Variants in DHX29 observed in about 807,000 individuals in gnomAD.
DHX29 encodes DExH-box helicase 29, also known as ATP-dependent RNA helicase DHX29.
Under a neutral mutation model 167.9 loss-of-function variants are expected in DHX29, and 79 were observed. The ratio of observed to expected loss-of-function variants is 0.47; its 90% CI spans 0.39 to 0.57. The LOEUF is 0.57. Ranked by LOEUF, DHX29 falls within the 20% of genes least tolerant of loss-of-function variation. The pLI is 0.00. For missense variants in DHX29, 1,347 were observed against 1,593.4 expected (o/e 0.85, Z 2.63); for synonymous variants, 530 against 546.0 (o/e 0.97, Z 0.41).
rs1746883768 is a variant in DHX29 at position 55,272,129 on chromosome 5, T to C, written c.2822A>G (p.Asp941Gly). 6.3e-7 allele frequency: 1 copy of C among 1,582,868 alleles called. No homozygotes were observed. Among genetic ancestry groups the C allele is most frequent in the African/African-American group, 1.4e-5 (1 of 73,060 alleles). ...NIAETGITIP[D>G]VVFVIDTGRT... ...TCCAGTATCAATTACAAATACAACA[T>C]CAGGAATAGTGATACCCGTCTCTGC... The change falls in exon 18 of 27, where the codon GAT becomes GGT. Residue 941 changes from aspartate (D) to glycine (G), a missense_variant. Physicochemically the swap from Asp to Gly is moderately conservative, Grantham distance 94 (BLOSUM62 -1). Coordinates refer to ENST00000251636, the MANE Select transcript of DHX29 (RefSeq NM_019030.4).
intron 23 of DHX29, among the ~76,000 whole-genome samples, chr5:55,266,310 G>GTTTT (rs70992715): frequency 1.6e-5 from 2 of 123,070 alleles, no homozygotes; most frequent in African/African-American, 5.9e-5. Context: ...TGTTGTTTTT[G>GTTTT]TTTTTTTTTT....
intron 24 of DHX29, 147 bp from the exon 25 acceptor site, chr5:55,261,646 T>C: frequency 1.6e-6 from 1 of 622,766 alleles, no homozygotes; most frequent in Non-Finnish European, 2.8e-6. Context: ...CATTTTCTTA[T>C]GTGCATAATT....
chr5:55,270,486 A>G lies in DHX29; in HGVS notation c.2995T>C (p.Phe999Leu). The G allele has an allele frequency of 6.2e-7, 1 of 1,613,496 alleles. No homozygotes were observed. The highest frequency in any genetic ancestry group is 1.1e-5 in the South Asian group (1 of 90,888). The change falls in exon 20 of 27, where the codon TTT becomes CTT. Residue 999 changes from phenylalanine to leucine, a missense_variant and splice_region_variant. This residue lies in a region of DHX29 where 882 missense variants were observed against 1,082.4 expected (regional missense o/e 0.81). Coordinates refer to ENST00000251636, the MANE Select transcript of DHX29 (RefSeq NM_019030.4). ...FCFRMYTRER[F>L]EGFMDYSVPE... is the part of the protein sequence containing the mutation. ...ACAGAATAATCCATAAAGCCTTCAA[A>G]TCTGAAAAATAAAGTAATACTAAAT...
At position 55,276,981 on chromosome 5, in the gene DHX29, C is replaced by A. The variant is rs920645315; in HGVS notation, c.2286+125G>T. On this transcript the variant is annotated intron_variant, in intron 13 of 26. Transcript: ENST00000251636. ...ATCTGATTCTTAAGGCTGTGTCCAG[C>A]TCCTCTGCTGACTCACTGTACCTAG... 1.5e-5 allele frequency: 9 copies of A among 618,704 alleles called. No homozygotes were observed. The African/African-American group carries it at 1.7e-4, about 12-fold the overall frequency. 38.3% of individuals were successfully genotyped at this position (618,704 alleles called of 1,614,324 possible). A position where few individuals can be genotyped will look rare whatever the true frequency, so the allele number is the denominator to read the frequency against.
At position 55,277,409 on chromosome 5, in the gene DHX29, G is replaced by A. The variant is rs139201946; in HGVS notation, c.2110-127C>T. 1.1e-3 allele frequency: 623 copies of A among 542,664 alleles called. 3 individuals carry two copies. Among genetic ancestry groups the A allele is most frequent in the African/African-American group, 0.01 (523 of 52,256 alleles). 33.6% of individuals were successfully genotyped at this position (542,664 alleles called of 1,614,324 possible). On this transcript the variant is annotated intron_variant, in intron 12 of 26. Transcript: ENST00000251636. The stretch of plus-strand genomic sequence containing the variant: ...ATCTAAGTACAGTCAGTACATGTGC[G>A]GGGAGGGAGAAGCTGTAAGTTTTAA...
Position 55,283,280 on chromosome 5 carries a change from G to A in DHX29, c.1888C>T (p.Pro630Ser), listed in dbSNP as rs1747531006. Residue 630 changes from proline (P) to serine (S), a missense_variant, in exon 11 of 27, where the codon CCC becomes TCC. Pro to Ser is a moderately conservative substitution (Grantham distance 74). Around this residue, in one of 3 missense-constraint regions of DHX29, gnomAD observed 882 missense variants for 1,082.4 expected, o/e 0.81. Transcript: ENST00000251636. Reference sequence around the variant, plus strand: ...AAACTAACTGCTGAGATTCTTCGGGGTTGGGTACAGACAATGTTACATTTA... The same window carrying A: ...AAACTAACTGCTGAGATTCTTCGGGATTGGGTACAGACAATGTTACATTTA... ...ASKCNIVCTQ[P>S]RRISAVSLAN... 1 of 1,613,930 alleles carries A rather than the reference G, an allele frequency of 6.2e-7. No homozygotes were observed. The highest frequency in any genetic ancestry group is 8.5e-7 in the Non-Finnish European group (1 of 1,179,868).
chr5:55,266,938 T>C (rs150357295), intron 23 of DHX29, among the ~76,000 whole-genome samples, 200 bp downstream of exon 23: 92 of 152,332 alleles, frequency 6.0e-4, no homozygotes, highest in African/African-American at 2.0e-3. Context: ...ATTATGATTA[T>C]TAAATACTAT....
chr5:55,258,074 A>G (rs921034794), intron 26 of DHX29, among the ~76,000 whole-genome samples: 10 of 152,168 alleles, frequency 6.6e-5, no homozygotes, highest in African/African-American at 2.4e-4. Context: ...AGCTCCCCCA[A>G]CTTGCCTGTG....
At chr5:55,295,170 C>T (rs977598675) in intron 5 of DHX29, 1 of 502,722 alleles carries the variant, frequency 2.0e-6, no homozygotes, top group African/African-American at 1.9e-5. Flanking sequence ...ACTGCAGAAT[C>T]ATGAGAAATA....
At chr5:55,296,385 C>T in intron 3 of DHX29, 36 bp from the exon 4 acceptor site, 1 of 1,589,228 alleles carries the variant, frequency 6.3e-7, no homozygotes, top group Non-Finnish European at 8.6e-7. Context: ...TCACATTTGT[C>T]AAAGTTCCCT....
chr5:55,262,374 C>A (rs1287061229), intron 24 of DHX29, among the ~76,000 whole-genome samples: 1 of 152,174 alleles, frequency 6.6e-6, no homozygotes, highest in Non-Finnish European at 1.5e-5. Context: ...TATTAACCAA[C>A]ATCAATTTGC....
At chr5:55,282,752 T>A (rs924109089) in intron 11 of DHX29, among the ~76,000 whole-genome samples, 3 of 152,246 alleles carry the variant, frequency 2.0e-5, no homozygotes, top group East Asian at 1.9e-4. Context: ...ATTTTTTTTT[T>A]AAATATGGGG....
chr5:55,270,518 T>C, intron 19 of DHX29, 31 bp from the exon 20 acceptor site: 2 of 1,613,260 alleles, frequency 1.2e-6, no homozygotes. Flanking sequence ...AAATACATAT[T>C]ATCAGAAATG....
intron 17 of DHX29, 28 bp downstream of exon 17, chr5:55,273,265 C>T (rs1746941325): frequency 6.4e-7 from 1 of 1,557,688 alleles, no homozygotes; most frequent in Non-Finnish European, 8.7e-7. Context: ...AGGTGGATCA[C>T]ATATAAATTT....
In DHX29 at chr5:55,261,403, G is replaced by T; in HGVS notation, c.3925C>A (p.Arg1309Ser). Reference sequence around the variant, plus strand: ...ATCCAGCCATCAATAGAAAGAAGACGTTCTCGGTGCTGAACTTCTATATCA... The same window carrying T: ...ATCCAGCCATCAATAGAAAGAAGACTTTCTCGGTGCTGAACTTCTATATCA... ...GGDIEVQHRE[R>S]LLSIDGWIYF... Residue 1309 changes from arginine to serine, a missense_variant, in exon 25 of 27, where the codon CGT (arginine) becomes AGT (serine). Arg to Ser is a moderately radical substitution (Grantham distance 110, BLOSUM62 -1). Around this residue, in one of 3 missense-constraint regions of DHX29, gnomAD observed 882 missense variants for 1,082.4 expected, o/e 0.81. Transcript: ENST00000251636. The T allele has an allele frequency of 6.3e-7, 1 of 1,579,272 alleles. No homozygotes were observed. The highest frequency in any genetic ancestry group is 1.1e-5 in the South Asian group (1 of 89,776).
At chr5:55,273,527 A>G in intron 16 of DHX29, 150 bp from the exon 17 acceptor site, 1 of 958,180 alleles carries the variant, frequency 1.0e-6, no homozygotes. Flanking sequence ...GAATTGTACA[A>G]TGAAACCTCA....
chr5:55,290,181 A>G (rs1399488177), intron 7 of DHX29, 37 bp downstream of exon 7: 2 of 1,584,742 alleles, frequency 1.3e-6, no homozygotes, highest in East Asian at 4.5e-5. Context: ...ATAGAAGACA[A>G]TTACATTTAT....
intron 4 of DHX29, among the ~76,000 whole-genome samples, chr5:55,295,728 T>C (rs949787193): frequency 6.6e-6 from 1 of 152,234 alleles, no homozygotes; most frequent in Non-Finnish European, 1.5e-5. Flanking sequence ...AGATGATAGC[T>C]AGCCCTCTTG....
intron 10 of DHX29, among the ~76,000 whole-genome samples, chr5:55,284,880 A>G (rs1336567564): frequency 6.6e-6 from 1 of 152,198 alleles, no homozygotes; most frequent in Non-Finnish European, 1.5e-5. Flanking sequence ...CTTTTTTAAA[A>G]AAAATTAGCT....
Sources: allele counts gnomAD v4.1 joint callset (sites outside exome capture counted in the v4.1 genomes callset), GRCh38; gene constraint gnomAD v4.1.1; regional missense constraint gnomAD v4.1.1; transcripts MANE v1.5; gene names NCBI Gene and HGNC (gene_info 2026-07-23, HGNC 2026-07-21).